Variants in HERC4 observed in about 807,000 individuals in gnomAD.
The protein encoded by HERC4 is probable E3 ubiquitin-protein ligase HERC4.
A neutral mutation model predicts 124.3 loss-of-function variants in HERC4; 28 were observed. That is an observed-to-expected ratio of 0.23 (90% CI 0.17 to 0.31). The LOEUF is 0.31. Among genes scored for constraint, HERC4 ranks in the 10% least tolerant of loss-of-function variants. The pLI is 1.00. For missense variants in HERC4, 713 were observed against 1,229.3 expected, an observed-to-expected ratio of 0.58 and a Z score of 6.28; for synonymous variants, 407 against 421.5, an observed-to-expected ratio of 0.97 and a Z score of 0.42.
chr10:67,939,077 C>T (rs929934939), intron 21 of HERC4, among the ~76,000 whole-genome samples: 1 of 152,148 alleles, frequency 6.6e-6, no homozygotes, highest in Non-Finnish European at 1.5e-5. Flanking sequence ...TCTACATCAT[C>T]CAACAGTGAA....
intron 9 of HERC4, among the ~76,000 whole-genome samples, chr10:68,011,346 G>C (rs1443265194): frequency 6.6e-6 from 1 of 152,176 alleles, no homozygotes; most frequent in Non-Finnish European, 1.5e-5. Flanking sequence ...ATTCTTTGAA[G>C]GTTTTCAATT....
At chr10:68,048,069 C>T (rs1347310888) in intron 3 of HERC4, among the ~76,000 whole-genome samples, 1 of 151,806 alleles carries the variant, frequency 6.6e-6, no homozygotes, top group Non-Finnish European at 1.5e-5. Flanking sequence ...CAAGCACATG[C>T]CACCATACCC....
chr10:68,069,786 T>C, intron 3 of HERC4: 3 of 978,318 alleles, frequency 3.1e-6, no homozygotes, highest in Non-Finnish European at 3.6e-6. Flanking sequence ...CTCACGCCTG[T>C]AATCCCAGCA....
chr10:67,987,114 G>A (rs563668101), intron 15 of HERC4, among the ~76,000 whole-genome samples: 16 of 152,252 alleles, frequency 1.1e-4, no homozygotes, highest in African/African-American at 3.1e-4. Context: ...AAGATGTGAA[G>A]ATTCTAGTAT....
intron 9 of HERC4, among the ~76,000 whole-genome samples, chr10:68,011,461 TC>T (rs2037950126): frequency 6.6e-6 from 1 of 152,228 alleles, no homozygotes; most frequent in Non-Finnish European, 1.5e-5. Context: ...TACTCCTTGT[TC>T]CTACAGCAGC....
At chr10:67,943,429 G>GA (rs1471318988) in intron 19 of HERC4, among the ~76,000 whole-genome samples, 3 of 152,196 alleles carry the variant, frequency 2.0e-5, no homozygotes, top group Non-Finnish European at 4.4e-5. Context: ...TGGTAAAGCA[G>GA]AAAAAATTGA....
intron 14 of HERC4, among the ~76,000 whole-genome samples, chr10:67,989,099 G>T (rs893505577): frequency 2.0e-5 from 3 of 151,872 alleles, no homozygotes; most frequent in Non-Finnish European, 4.4e-5. Context: ...GGTTTCCTAA[G>T]TTATATAAAA....
intron 3 of HERC4, among the ~76,000 whole-genome samples, chr10:68,072,186 A>G (rs1236405038): frequency 6.6e-6 from 1 of 152,210 alleles, no homozygotes; most frequent in East Asian, 1.9e-4. Flanking sequence ...ATACTCCTAA[A>G]TGTAGAAATA....
At chr10:68,038,404 T>C in intron 4 of HERC4, 1 of 357,120 alleles carries the variant, frequency 2.8e-6, no homozygotes, top group Non-Finnish European at 5.0e-6. Flanking sequence ...AAAGACAGTA[T>C]TTAAGCAAAG....
At chr10:68,031,775 G>A (rs536832115) in intron 7 of HERC4, among the ~76,000 whole-genome samples, 1 of 151,412 alleles carries the variant, frequency 6.6e-6, no homozygotes, top group African/African-American at 2.4e-5. Context: ...TTTTTGAAAC[G>A]AGGTCTCACT....
intron 3 of HERC4, among the ~76,000 whole-genome samples, chr10:68,057,902 T>C (rs923042073): frequency 5.9e-5 from 9 of 152,048 alleles, no homozygotes; most frequent in African/African-American, 2.2e-4. Context: ...GATTTCACCA[T>C]GTTGCCCAGG....
intron 8 of HERC4, 53 bp from the exon 9 acceptor site, chr10:68,014,239 AC>A: frequency 7.1e-7 from 1 of 1,418,128 alleles, no homozygotes; most frequent in Non-Finnish European, 9.4e-7. Flanking sequence ...CCAACAATTT[AC>A]AATGACAAAA....
intron 23 of HERC4, among the ~76,000 whole-genome samples, chr10:67,930,707 G>C (rs2031704894): frequency 6.6e-6 from 1 of 152,178 alleles, no homozygotes; most frequent in African/African-American, 2.4e-5. Context: ...AAAATCAGCA[G>C]ATTAATTTCA....
Position 67,954,619 on chromosome 10 carries a change from G to T in HERC4, c.2313C>A (p.Ser771=). Residue 771 remains serine, a synonymous_variant, in exon 19 of 25, where the codon TCC becomes TCA. Coordinates refer to ENST00000373700, the MANE Select transcript of HERC4 (RefSeq NM_015601.4). ...KYGMFRYYED[S]RLIWFSDKTF... is the part of the protein sequence containing the mutation. ...CCTTATCAGAAAACCAAATGAGCCTGGAATCTTCATAATACCTAAACATGC... is the reference window on the plus strand; with the variant it reads ...CCTTATCAGAAAACCAAATGAGCCTTGAATCTTCATAATACCTAAACATGC... 1 of 1,612,536 alleles carries T rather than the reference G, an allele frequency of 6.2e-7. No individual in the cohort carries two copies. The highest frequency in any genetic ancestry group is 8.5e-7 in the Non-Finnish European group (1 of 1,179,130).
At chr10:67,930,622 A>T (rs2031692084) in intron 23 of HERC4, among the ~76,000 whole-genome samples, 1 of 152,204 alleles carries the variant, frequency 6.6e-6, no homozygotes, top group South Asian at 2.1e-4. Context: ...TTTTTATGTT[A>T]GTCATCTTAA....
chr10:67,981,922 A>G (rs896728440), intron 15 of HERC4, among the ~76,000 whole-genome samples: 4 of 152,164 alleles, frequency 2.6e-5, no homozygotes, highest in Non-Finnish European at 5.9e-5. Context: ...TCCAGCCTAG[A>G]CAACACAGTG....
intron 9 of HERC4, 82 bp downstream of exon 9, chr10:68,013,944 G>T: frequency 8.5e-7 from 1 of 1,174,380 alleles, no homozygotes; most frequent in African/African-American, 1.5e-5. Flanking sequence ...GAATTCTTTC[G>T]CAGAAATCTT....
At chr10:68,004,923 A>T (rs1247539540) in intron 9 of HERC4, among the ~76,000 whole-genome samples, 1 of 152,204 alleles carries the variant, frequency 6.6e-6, no homozygotes, top group East Asian at 1.9e-4. Context: ...ATTCAAGATG[A>T]GATTTGGGTG....
chr10:68,059,401 C>A (rs924819595), intron 3 of HERC4, among the ~76,000 whole-genome samples: 51 of 141,066 alleles, frequency 3.6e-4, no homozygotes, highest in Non-Finnish European at 5.6e-4. Flanking sequence ...ACATTTCTTA[C>A]TACTTTATTC....
Sources: gnomAD v4.1 joint callset for allele counts (sites outside exome capture counted in the v4.1 genomes callset) on GRCh38, gnomAD v4.1.1 for gene constraint, MANE v1.5 for transcripts, NCBI Gene and HGNC (gene_info 2026-07-23, HGNC 2026-07-21) for gene names.